CLCN4: variants seen among roughly 807,000 people sequenced by gnomAD.
The protein encoded by CLCN4 is Cl-/H+ antiporter 4, also known as H(+)/Cl(-) exchange transporter 4.
CLCN4 carries 1 observed loss-of-function variant against 41.7 expected under a neutral mutation model. The observed-to-expected ratio is 0.02, with a 90% CI of 0.01 to 0.11. The LOEUF is 0.11. Ranked by LOEUF, CLCN4 falls within the 10% of genes least tolerant of loss-of-function variation. The probability of loss-of-function intolerance (pLI) is 1.00; values close to 1 mark genes in which losing one functional copy is unlikely to be tolerated. For missense variants in CLCN4, 287 were observed against 661.0 expected, an observed-to-expected ratio of 0.43 and a Z score of 6.20; for synonymous variants, 277 against 285.8, an observed-to-expected ratio of 0.97 and a Z score of 0.31.
chrX:10,160,727 C>T lies in CLCN4; in HGVS notation c.-12+2176C>T, dbSNP rs149107582. 7.2e-3 allele frequency among the ~76,000 whole-genome samples: 808 copies of T among 111,824 alleles called. 10 individuals carry two copies. Among genetic ancestry groups the T allele is most frequent in the African/African-American group, 0.025 (767 of 30,741 alleles). ...CAAATGGCCCGCACCACCAGCGACA[C>T]GGACACTCGCTTGGGCAGACATGGT... On this transcript the variant is annotated intron_variant, in intron 2 of 12. Transcript: ENST00000380833.
Position 10,208,304 on chromosome X carries a change from A to G in CLCN4, c.1103A>G (p.Tyr368Cys). 7.4e-6 allele frequency: 9 copies of G among 1,211,002 alleles called. No homozygotes were observed. The highest frequency in any genetic ancestry group is 1.0e-5 in the Non-Finnish European group (9 of 895,372). ...RRRKTTRLGK[Y>C]PVLEVIVVTA... ...CGCAAGACCACCAGGCTGGGGAAGT[A>G]CCCGGTGCTGGAGGTCATTGTGGTG... The change falls in exon 9 of 13, where the codon TAC becomes TGC. Residue 368 changes from tyrosine (Y) to cysteine (C), a missense_variant. Physicochemically the swap from Tyr to Cys is radical, Grantham distance 194. This residue lies in a region of CLCN4 where 94 missense variants were observed against 177.9 expected (regional missense o/e 0.53). Transcript: ENST00000380833.
chrX:10,192,595 T>G (rs1396133828), intron 4 of CLCN4, among the ~76,000 whole-genome samples: 2 of 110,808 alleles, frequency 1.8e-5, no homozygotes, highest in Admixed American at 1.9e-4. Context: ...GCTGTCAGGG[T>G]GGGTGACCTG....
chrX:10,209,433 T>A (rs779697326), intron 9 of CLCN4, among the ~76,000 whole-genome samples: 1 of 104,807 alleles, frequency 9.5e-6, no homozygotes, highest in Admixed American at 1.1e-4. Context: ...TGATCACAGC[T>A]CACTGCAGCC....
intron 11 of CLCN4, among the ~76,000 whole-genome samples, chrX:10,215,320 A>C (rs1343102426): frequency 2.7e-5 from 3 of 111,990 alleles, no homozygotes; most frequent in Non-Finnish European, 5.6e-5. Context: ...AGGCATCTTC[A>C]TCAAAGGCTT....
chrX:10,159,721 A>T (rs1294640361), intron 2 of CLCN4, among the ~76,000 whole-genome samples: 2 of 111,666 alleles, frequency 1.8e-5, no homozygotes, highest in African/African-American at 6.5e-5. Flanking sequence ...GCAGTAATTT[A>T]GTAACTTGTT....
chrX:10,209,604 C>G (rs1162409444), intron 9 of CLCN4, among the ~76,000 whole-genome samples: 1 of 110,799 alleles, frequency 9.0e-6, no homozygotes, highest in Non-Finnish European at 1.9e-5. Flanking sequence ...CTCCAGTGAT[C>G]CTCCTGCCTC....
chrX:10,212,738 C>A, intron 10 of CLCN4, 85 bp downstream of exon 10: 2 of 903,672 alleles, frequency 2.2e-6, no homozygotes, highest in Non-Finnish European at 1.5e-6. Context: ...TGGACTTGAA[C>A]ATTTTCTTTA....
chrX:10,220,530 T>G, intron 11 of CLCN4, 131 bp from the exon 12 acceptor site: 1 of 518,675 alleles, frequency 1.9e-6, no homozygotes. Flanking sequence ...AAGCCCCTTA[T>G]TAAGAATGTG....
At chrX:10,158,730 C>G (rs1327293976) in intron 2 of CLCN4, among the ~76,000 whole-genome samples, 179 bp downstream of exon 2, 2 of 113,416 alleles carry the variant, frequency 1.8e-5, no homozygotes, top group African/African-American at 6.4e-5. Context: ...ATGCACCCGG[C>G]CGGGGATGGC....
chrX:10,223,426 G>A (rs1924907191), intron 12 of CLCN4, among the ~76,000 whole-genome samples: 1 of 111,798 alleles, frequency 8.9e-6, no homozygotes, highest in African/African-American at 3.3e-5. Context: ...AAGCAAAATC[G>A]CACTCTCTCT....
At chrX:10,162,938 G>C (rs1923144226) in intron 2 of CLCN4, among the ~76,000 whole-genome samples, 1 of 113,199 alleles carries the variant, frequency 8.8e-6, no homozygotes, top group African/African-American at 3.2e-5. Flanking sequence ...TGTTCAGTCT[G>C]ATTGGTGTTA....
Position 10,214,067 on chromosome X carries a change from A to G in CLCN4, c.1963A>G (p.Ile655Val), listed in dbSNP as rs1060502511. The G allele has an allele frequency of 8.5e-7, 1 of 1,170,099 alleles. No homozygotes were observed. The highest frequency in any genetic ancestry group is 2.5e-5 in the Admixed American group (1 of 39,369). ...LIGFAQRREL[I>V]LAIKNARQRQ... ...TGGATTTGCCCAGAGGAGGGAACTG[A>G]TTCTCGCAATAAGTGAGTAAAGAGA... The change falls in exon 11 of 13, where the codon ATT (isoleucine) becomes GTT (valine). Residue 655 changes from isoleucine to valine, a missense_variant. Physicochemically the swap from Ile to Val is conservative, Grantham distance 29. Transcript: ENST00000380833.
At chrX:10,216,918 T>TATATATACACACACACACAC (rs773265490) in intron 11 of CLCN4, among the ~76,000 whole-genome samples, 12 of 38,931 alleles carry the variant, frequency 3.1e-4, no homozygotes, top group Non-Finnish European at 4.2e-4. Flanking sequence ...TATATATATA[T>TATATATACACACACACACAC]ACACACACAC....
At chrX:10,192,064 C>T (rs891388197) in intron 4 of CLCN4, among the ~76,000 whole-genome samples, 10 of 110,567 alleles carry the variant, frequency 9.0e-5, no homozygotes, top group African/African-American at 3.3e-4. Context: ...ATATTTTATT[C>T]AACATGGATA....
At chrX:10,233,464 C>T in intron 12 of CLCN4, 30 bp from the exon 13 acceptor site, 1 of 1,102,549 alleles carries the variant, frequency 9.1e-7, no homozygotes, top group South Asian at 1.8e-5. Context: ...TCAAGGCTGA[C>T]CTCTTTTCTC....
At position 10,211,252 on chromosome X, in the gene CLCN4, C is replaced by T. The variant is rs1417247165; in HGVS notation, c.1390-1215C>T. On this transcript the variant is annotated intron_variant, in intron 9 of 12. Coordinates refer to ENST00000380833, the MANE Select transcript of CLCN4 (RefSeq NM_001830.4). ...CTGCACACGGGCCTGGGCGACAGAG[C>T]GAGATTCCGTCTCAAAAAAAAAAAA... is the stretch of plus-strand genomic sequence containing the variant. Among the ~76,000 whole-genome samples the T allele has an allele frequency of 1.1e-4, 8 of 69,909 alleles. No individual in the cohort carries two copies. The South Asian group carries it at 4.4e-3, about 39-fold the overall frequency. 60.7% of individuals were successfully genotyped at this position (69,909 alleles called of 115,157 possible).
chrX:10,162,013 CTTTTTTTTTTT>C (rs34007951), intron 2 of CLCN4, among the ~76,000 whole-genome samples: 1 of 61,542 alleles, frequency 1.6e-5, no homozygotes, highest in Non-Finnish European at 2.8e-5. Context: ...CCAGTTGAGT[CTTTTTTTTTTT>C]TTTTTTTTTT....
chrX:10,198,982 G>A (rs1924167793), intron 6 of CLCN4, among the ~76,000 whole-genome samples: 1 of 112,040 alleles, frequency 8.9e-6, no homozygotes, highest in African/African-American at 3.2e-5. Context: ...CCTGATGGTG[G>A]TCCAGGCAGT....
At chrX:10,187,331 A>C (rs758354004) in intron 3 of CLCN4, among the ~76,000 whole-genome samples, 184 bp from the exon 4 acceptor site, 1 of 112,136 alleles carries the variant, frequency 8.9e-6, no homozygotes, top group South Asian at 3.7e-4. Flanking sequence ...AGCTCTGTGA[A>C]CTAGAAAGCT....
Sources: allele counts gnomAD v4.1 joint callset (sites outside exome capture counted in the v4.1 genomes callset), GRCh38; gene constraint gnomAD v4.1.1; regional missense constraint gnomAD v4.1.1; transcripts MANE v1.5; gene names NCBI Gene and HGNC (gene_info 2026-07-23, HGNC 2026-07-21).